KCNMA1: variants seen among roughly 807,000 people sequenced by gnomAD.
KCNMA1 encodes Calcium-activated potassium channel subunit alpha-1.
Under a neutral mutation model 140.0 loss-of-function variants are expected in KCNMA1, and 29 were observed. The observed-to-expected ratio is 0.21, with a 90% CI of 0.15 to 0.28. The LOEUF is 0.28. Ranked by LOEUF, KCNMA1 falls within the 10% of genes least tolerant of loss-of-function variation. KCNMA1 has a pLI of 1.00. For synonymous variants in KCNMA1, 612 were observed against 611.9 expected (o/e 1.00, Z 0.00); for missense variants, 880 against 1,602.2 (o/e 0.55, Z 7.70).
intron 1 of KCNMA1, among the ~76,000 whole-genome samples, chr10:77,575,785 G>A (rs555826965): frequency 6.6e-6 from 1 of 152,346 alleles, no homozygotes; most frequent in African/African-American, 2.4e-5. Context: ...CAACGTGCAG[G>A]TGCTCTGGCT....
intron 2 of KCNMA1, among the ~76,000 whole-genome samples, chr10:77,256,453 G>A (rs1360142674): frequency 2.6e-5 from 4 of 152,202 alleles, no homozygotes; most frequent in African/African-American, 7.2e-5. Context: ...AGCTCCTCCA[G>A]TGAATCTGAC....
chr10:76,873,947 A>G (rs2031864940), downstream of KCNMA1: 1 of 152,164 alleles, frequency 6.6e-6, no homozygotes, highest in African/African-American at 2.4e-5. Flanking sequence ...CACATGGGGA[A>G]ACATAAATGG....
At chr10:76,986,588 C>T (rs992930354) in intron 19 of KCNMA1, among the ~76,000 whole-genome samples, 2 of 152,134 alleles carry the variant, frequency 1.3e-5, no homozygotes, top group African/African-American at 2.4e-5. Context: ...TGTCAAGATT[C>T]GAGTTGGGGG....
intron 1 of KCNMA1, among the ~76,000 whole-genome samples, chr10:77,503,729 G>C (rs186722867): frequency 1.2e-4 from 19 of 152,286 alleles, no homozygotes; most frequent in East Asian, 7.7e-4. Context: ...TGCCCTCATG[G>C]ATCCAGCACT....
chr10:77,616,167 C>T (rs1406514949), intron 1 of KCNMA1, among the ~76,000 whole-genome samples: 1 of 152,188 alleles, frequency 6.6e-6, no homozygotes, highest in African/African-American at 2.4e-5. Flanking sequence ...CAAAATGTTG[C>T]ACTGTGGATG....
Position 76,886,565 on chromosome 10 carries a change from T to A in KCNMA1, c.*701A>T. On this transcript the variant is annotated 3_prime_UTR_variant, in exon 28 of 28. Coordinates refer to ENST00000286628, the MANE Select transcript of KCNMA1 (RefSeq NM_001161352.2). ...CCATGATTGGAATACTATTCTCTCC[T>A]CCATATTAAGGTGAGAAATGTTCAT... 1 of 986,394 alleles carries A rather than the reference T, an allele frequency of 1.0e-6. No individual in the cohort carries two copies. Among genetic ancestry groups the A allele is most frequent in the South Asian group, 4.7e-5 (1 of 21,306 alleles). The allele number at this position is 986,394 out of a possible 1,614,324, so 61.1% of individuals were successfully genotyped here. A position where few individuals can be genotyped will look rare whatever the true frequency, so the allele number is the denominator to read the frequency against.
intron 3 of KCNMA1, among the ~76,000 whole-genome samples, chr10:77,189,448 A>C (rs1430897446): frequency 6.6e-6 from 1 of 152,164 alleles, no homozygotes; most frequent in Non-Finnish European, 1.5e-5. Context: ...TGCAAGCTTC[A>C]CCAGTGGACG....
At chr10:77,127,657 A>AAG (rs35895630) in intron 5 of KCNMA1, among the ~76,000 whole-genome samples, 132,923 of 151,908 alleles carry the variant, frequency 0.88, 58,164 homozygotes, top group Admixed American at 0.92. Context: ...CAGGAGGGGA[A>AAG]AGGGAGAGAA....
chr10:77,198,347 G>T (rs1370149586), intron 3 of KCNMA1, among the ~76,000 whole-genome samples: 1 of 151,994 alleles, frequency 6.6e-6, no homozygotes, highest in Non-Finnish European at 1.5e-5. Flanking sequence ...TGGTGCAAGG[G>T]TAGGGACTCT....
At chr10:77,075,815 A>G (rs961644484) in intron 13 of KCNMA1, among the ~76,000 whole-genome samples, 1 of 152,236 alleles carries the variant, frequency 6.6e-6, no homozygotes, top group African/African-American at 2.4e-5. Context: ...ACCCAGGAAC[A>G]TAAATCCTTT....
At chr10:77,616,528 G>A (rs966412376) in intron 1 of KCNMA1, among the ~76,000 whole-genome samples, 4 of 152,182 alleles carry the variant, frequency 2.6e-5, no homozygotes, top group Non-Finnish European at 1.5e-5. Flanking sequence ...TTTGAAGACC[G>A]GGTGCAGTGG....
intron 1 of KCNMA1, among the ~76,000 whole-genome samples, chr10:77,595,153 C>A (rs2080453511): frequency 6.6e-6 from 1 of 152,094 alleles, no homozygotes; most frequent in African/African-American, 2.4e-5. Flanking sequence ...CGAGACTAGC[C>A]TGGCCAATAT....
intron 1 of KCNMA1, among the ~76,000 whole-genome samples, chr10:77,520,087 A>G (rs79987612): frequency 0.13 from 143 of 1,108 alleles, no homozygotes; most frequent in Middle Eastern, 0.17. Context: ...TGAGGTCTGG[A>G]GTATGCAGTG....
chr10:77,300,315 A>T (rs1418825043), intron 2 of KCNMA1, among the ~76,000 whole-genome samples: 1 of 152,156 alleles, frequency 6.6e-6, no homozygotes, highest in Non-Finnish European at 1.5e-5. Context: ...CAGTCCCATC[A>T]CTGACCAGCT....
intron 25 of KCNMA1, among the ~76,000 whole-genome samples, chr10:76,906,573 A>T (rs192011602): frequency 2.0e-5 from 3 of 152,352 alleles, no homozygotes; most frequent in Admixed American, 6.5e-5. Flanking sequence ...TGATTAAATG[A>T]CAATTTGGGG....
At chr10:77,606,449 ATAATTAAAAAAT>A (rs2084549123) in intron 1 of KCNMA1, among the ~76,000 whole-genome samples, 1 of 152,084 alleles carries the variant, frequency 6.6e-6, no homozygotes, top group African/African-American at 2.4e-5. Flanking sequence ...TCTCTACAAA[ATAATTAAAAAAT>A]TAGCTGGGCA....
rs146862554 is a variant in KCNMA1 at position 76,926,551 on chromosome 10, T to C, written c.2903-11502A>G. ...TTTTAGTCCCAGGTCAACTCCTACC[T>C]CTCTGTGAGAATGTAGAAGGATTCA... On this transcript the variant is annotated intron_variant, in intron 23 of 27. Transcript: ENST00000286628. Among the ~76,000 whole-genome samples the C allele has an allele frequency of 2.9e-3, 445 of 152,270 alleles. 5 individuals are homozygous for C. The highest frequency in any genetic ancestry group is 4.2e-3 in the Non-Finnish European group (284 of 68,014).
Position 77,228,814 on chromosome 10 carries a change from T to G in KCNMA1, c.602+22381A>C, listed in dbSNP as rs545321151. Among the ~76,000 whole-genome samples the G allele has an allele frequency of 1.8e-4, 28 of 152,334 alleles. 1 individual carries two copies. The South Asian group carries it at 5.8e-3, about 32-fold the overall frequency. On this transcript the variant is annotated intron_variant, in intron 3 of 27. Transcript: ENST00000286628. ...TTCCAGCTTGAGCCACCTGTAGTCA[T>G]GTGGCATTGGTCCAAAGCCCTCACT... is the stretch of plus-strand genomic sequence containing the variant.
intron 13 of KCNMA1, chr10:77,078,110 T>C (rs535941782): frequency 6.6e-6 from 1 of 152,382 alleles, no homozygotes; most frequent in South Asian, 2.1e-4. Flanking sequence ...GGCATGGCAC[T>C]GGTGCATTTG....
Sources: gnomAD v4.1 joint callset for allele counts (sites outside exome capture counted in the v4.1 genomes callset) on GRCh38, gnomAD v4.1.1 for gene constraint, MANE v1.5 for transcripts, NCBI Gene and HGNC (gene_info 2026-07-23, HGNC 2026-07-21) for gene names.